The following CLIC5 variants were observed in gnomAD, a reference collection of about 807,000 sequenced individuals.
CLIC5 encodes the protein CLIC family member 5.
CLIC5 carries 20 observed loss-of-function variants against 24.7 expected under a neutral mutation model. That is an observed-to-expected ratio of 0.81 (90% CI 0.57 to 1.18). The LOEUF (loss-of-function observed/expected upper bound fraction) is 1.18. CLIC5 is among the 50% of genes most tolerant of loss of function. CLIC5 has a pLI of 0.00. For missense variants in CLIC5, 341 were observed against 326.1 expected (o/e 1.05, Z -0.35); for synonymous variants, 159 against 135.6 (o/e 1.17, Z -1.20).
At chr6:45,962,063 TACACACACACACACAC>T (rs74732121) in intron 1 of CLIC5, among the ~76,000 whole-genome samples, 1 of 145,510 alleles carries the variant, frequency 6.9e-6, no homozygotes, top group Non-Finnish European at 1.5e-5. Flanking sequence ...TATATGTACA[TACACACACACACACAC>T]ACACACACAC....
the CLIC5 span, among the ~76,000 whole-genome samples, chr6:46,100,305 T>C: frequency 6.6e-6 from 1 of 152,214 alleles, no homozygotes. Flanking sequence ...ACTAAAACTC[T>C]ATGAGTGAGC....
At chr6:45,905,699 G>T (rs977718549) in intron 5 of CLIC5, among the ~76,000 whole-genome samples, 1 of 152,028 alleles carries the variant, frequency 6.6e-6, no homozygotes, top group African/African-American at 2.4e-5. Context: ...TCTGTTGATA[G>T]TTTCTATGTG....
At chr6:45,984,002 G>A (rs1765650236) in intron 1 of CLIC5, among the ~76,000 whole-genome samples, 1 of 152,106 alleles carries the variant, frequency 6.6e-6, no homozygotes, top group Admixed American at 6.5e-5. Flanking sequence ...GCACATAGTA[G>A]GGCCTCAGAA....
Position 46,077,094 on chromosome 6 carries a change from A to C in CLIC5, c.540+2609T>G, listed in dbSNP as rs1289763722. ...TGGCAGAGTGAAACTCCGTCCCAAA[A>C]AAAAAAAAGTGCATGGGAGACGAGA... is the stretch of plus-strand genomic sequence containing the variant. On this transcript the variant is annotated intron_variant, in intron 1 of 5. Coordinates refer to the CLIC5 transcript ENST00000185206. Among the ~76,000 whole-genome samples, 4 of 152,282 alleles carry C rather than the reference A, an allele frequency of 2.6e-5. No homozygotes were observed. The East Asian group carries it at 7.7e-4, about 29-fold the overall frequency.
intron 2 of CLIC5, among the ~76,000 whole-genome samples, chr6:45,951,420 C>A (rs796600376): frequency 5.3e-5 from 8 of 152,160 alleles, no homozygotes; most frequent in Admixed American, 5.2e-4. Flanking sequence ...GCATTTCTGG[C>A]GTGCACTGGG....
At chr6:46,000,698 G>A (rs909463146) in intron 1 of CLIC5, among the ~76,000 whole-genome samples, 1 of 152,106 alleles carries the variant, frequency 6.6e-6, no homozygotes, top group Non-Finnish European at 1.5e-5. Flanking sequence ...GCCAGCAGGG[G>A]AAATGCCAGA....
At chr6:46,000,507 C>T (rs762206656) in intron 1 of CLIC5, among the ~76,000 whole-genome samples, 1 of 152,170 alleles carries the variant, frequency 6.6e-6, no homozygotes, top group Non-Finnish European at 1.5e-5. Context: ...TGGTCTTTGT[C>T]TTTCATCCCT....
At chr6:46,031,374 G>A (rs1767493606) in intron 1 of CLIC5, among the ~76,000 whole-genome samples, 1 of 152,106 alleles carries the variant, frequency 6.6e-6, no homozygotes, top group African/African-American at 2.4e-5. Flanking sequence ...AGTAAAAGAT[G>A]TGAACACTTA....
chr6:45,903,991 C>T (rs771387647), intron 5 of CLIC5, among the ~76,000 whole-genome samples: 62 of 152,016 alleles, frequency 4.1e-4, no homozygotes, highest in Non-Finnish European at 3.8e-4. Context: ...CTGTTCTCGC[C>T]CTGGTTTGCC....
chr6:46,088,336 G>C, the CLIC5 span, among the ~76,000 whole-genome samples: 5 of 152,084 alleles, frequency 3.3e-5, no homozygotes, highest in African/African-American at 1.2e-4. Flanking sequence ...GGGGACACAT[G>C]CCCCAAATTA....
chr6:45,938,607 G>A (rs985502284), intron 4 of CLIC5, among the ~76,000 whole-genome samples: 1 of 152,136 alleles, frequency 6.6e-6, no homozygotes, highest in Non-Finnish European at 1.5e-5. Flanking sequence ...AGAAAACAGG[G>A]TGAAACAGAA....
chr6:46,080,467 A>C, upstream of CLIC5: 1 of 507,024 alleles, frequency 2.0e-6, no homozygotes, highest in Non-Finnish European at 3.5e-6. Flanking sequence ...CACTCAGTTA[A>C]CTCCTTCACT....
chr6:45,922,084 G>A lies in CLIC5; in HGVS notation c.407-7675C>T, dbSNP rs529454360. Among the ~76,000 whole-genome samples, 12 of 152,326 alleles carry A rather than the reference G, an allele frequency of 7.9e-5. No homozygotes were observed. In the South Asian group the frequency reaches 8.3e-4, roughly 11 times the overall value. On this transcript the variant is annotated intron_variant, in intron 4 of 5. Transcript: ENST00000339561. ...TCAACAGATTCCCCACTGTTCCCTC[G>A]TGTGGCGTCAGCTGGGCTACAGAGA...
At chr6:46,072,998 G>A (rs1762658078) in intron 1 of CLIC5, among the ~76,000 whole-genome samples, 1 of 152,148 alleles carries the variant, frequency 6.6e-6, no homozygotes, top group Non-Finnish European at 1.5e-5. Flanking sequence ...CCCCTGGATG[G>A]ACAGCCCAAT....
chr6:46,078,037 A>G (rs888220759), intron 1 of CLIC5, among the ~76,000 whole-genome samples: 4 of 150,080 alleles, frequency 2.7e-5, no homozygotes, highest in Non-Finnish European at 4.5e-5. Flanking sequence ...CTGCCATGAG[A>G]AAAAAAAAAT....
intron 4 of CLIC5, chr6:45,920,176 T>C: frequency 3.1e-6 from 3 of 979,230 alleles, no homozygotes; most frequent in Non-Finnish European, 3.6e-6. Flanking sequence ...GTGCTTGATT[T>C]CAGATATAAT....
chr6:45,936,367 G>C (rs1763935874), intron 4 of CLIC5, among the ~76,000 whole-genome samples: 3 of 151,846 alleles, frequency 2.0e-5, no homozygotes. Flanking sequence ...ACCATACCCT[G>C]CTAATTTTTG....
chr6:45,997,500 A>G (rs1766191283), intron 1 of CLIC5, among the ~76,000 whole-genome samples: 1 of 140,670 alleles, frequency 7.1e-6, no homozygotes, highest in Admixed American at 6.9e-5. Context: ...AACTTAAAGT[A>G]TAATAATAAA....
chr6:45,943,460 G>A (rs1764198173), intron 3 of CLIC5, among the ~76,000 whole-genome samples: 1 of 152,172 alleles, frequency 6.6e-6, no homozygotes, highest in African/African-American at 2.4e-5. Flanking sequence ...AAGATACTAG[G>A]TAATCTACCA....
Sources: gnomAD v4.1 joint callset for allele counts (sites outside exome capture counted in the v4.1 genomes callset) on GRCh38, gnomAD v4.1.1 for gene constraint, MANE v1.5 for transcripts, NCBI Gene and HGNC (gene_info 2026-07-23, HGNC 2026-07-21) for gene names.